GON4L: variants seen among roughly 807,000 people sequenced by gnomAD.
The protein encoded by GON4L is gon-4 like, also known as GON-4-like protein.
In GON4L, 87 loss-of-function variants were observed where a neutral mutation model predicts 211.8. The ratio of observed to expected loss-of-function variants is 0.41; its 90% CI spans 0.35 to 0.49. The LOEUF (loss-of-function observed/expected upper bound fraction) is 0.49. Ranked by LOEUF, GON4L falls within the 20% of genes least tolerant of loss-of-function variation. The pLI, the probability that GON4L is intolerant of heterozygous loss-of-function variation, is 0.15. For missense variants in GON4L, 2,155 were observed against 2,659.5 expected, an observed-to-expected ratio of 0.81 and a Z score of 4.17; for synonymous variants, 875 against 962.6, an observed-to-expected ratio of 0.91 and a Z score of 1.68.
intron 17 of GON4L, among the ~76,000 whole-genome samples, chr1:155,773,957 G>A (rs1663489903): frequency 6.6e-6 from 1 of 152,102 alleles, no homozygotes; most frequent in Non-Finnish European, 1.5e-5. Flanking sequence ...AGCAGTTTGG[G>A]ATCCGTGTCT....
rs918242129 is a variant in GON4L, at chr1:155,785,472, G to C, written c.1748-98C>G. ...ATGTATAATGTTTTCAACAAGGCAT[G>C]ACAAATTCTTCATATCTATCCTTCT... On this transcript the variant is annotated intron_variant, in intron 12 of 31. Coordinates refer to ENST00000368331, the MANE Select transcript of GON4L (RefSeq NM_001282860.2). 5.8e-6 allele frequency: 5 copies of C among 866,348 alleles called. No homozygotes were observed. The Admixed American group carries it at 8.5e-5, about 15-fold the overall frequency. 53.7% of individuals were successfully genotyped at this position (866,348 alleles called of 1,614,324 possible). A position where few individuals can be genotyped will look rare whatever the true frequency, so the allele number is the denominator to read the frequency against.
chr1:155,794,065 T>C (rs1178518692), intron 12 of GON4L, among the ~76,000 whole-genome samples: 3 of 152,132 alleles, frequency 2.0e-5, no homozygotes, highest in Non-Finnish European at 4.4e-5. Flanking sequence ...CCTACTGATT[T>C]ACTGCTTAAA....
chr1:155,756,904 G>T, intron 27 of GON4L, 54 bp downstream of exon 27: 2 of 1,375,670 alleles, frequency 1.5e-6, no homozygotes, highest in Non-Finnish European at 2.1e-6. Flanking sequence ...ACTCTAGTTT[G>T]GGTGACAGAG....
chr1:155,849,143 C>CA (rs764161223), intron 2 of GON4L, among the ~76,000 whole-genome samples: 2,147 of 119,784 alleles, frequency 0.018, 34 homozygotes, highest in Non-Finnish European at 0.023. Context: ...GACTCCATCT[C>CA]AAAAAAAAAA....
At position 155,776,386 on chromosome 1, in the gene GON4L, G is replaced by A. The variant is rs1557850519; in HGVS notation, c.2178+9C>T. On this transcript the variant is annotated intron_variant, in intron 16 of 31. Transcript: ENST00000368331. Reference sequence around the variant, plus strand: ...TAGTCTTTAGAGTTATGGATATTTGGAAACTTACAAGAAATATCCTGGTGG... The same window carrying A: ...TAGTCTTTAGAGTTATGGATATTTGAAAACTTACAAGAAATATCCTGGTGG... 16 of 1,567,876 alleles carry A rather than the reference G, an allele frequency of 1.0e-5. No individual in the cohort carries two copies. The highest frequency in any genetic ancestry group is 1.4e-5 in the Non-Finnish European group (16 of 1,137,936).
At chr1:155,794,384 T>G (rs1193004490) in intron 12 of GON4L, among the ~76,000 whole-genome samples, 1 of 152,218 alleles carries the variant, frequency 6.6e-6, no homozygotes, top group African/African-American at 2.4e-5. Context: ...AAACCTCATT[T>G]TGAGAGCTTA....
At chr1:155,749,256 A>G (rs1660377471), downstream of GON4L, 21 of 1,573,274 alleles carry the variant, frequency 1.3e-5, no homozygotes, top group South Asian at 1.6e-4. Flanking sequence ...CTGTCTCAAA[A>G]AGAAAAAGAA....
intron 19 of GON4L, among the ~76,000 whole-genome samples, chr1:155,769,349 T>C (rs1662922183): frequency 1.3e-5 from 2 of 151,798 alleles, no homozygotes; most frequent in Non-Finnish European, 2.9e-5. Context: ...AGGAAGGAAG[T>C]AAAACAAAAA....
intron 17 of GON4L, chr1:155,774,730 G>T: frequency 1.8e-6 from 1 of 541,438 alleles, no homozygotes; most frequent in South Asian, 2.0e-5. Flanking sequence ...TCATATTGCT[G>T]TAGTCCAATT....
rs1192854753 is a variant in GON4L at position 155,791,488 on chromosome 1, A to AG, written c.1747+3561dup. 1.4e-3 allele frequency among the ~76,000 whole-genome samples: 214 copies of AG among 150,926 alleles called. 1 individual carries two copies. Among genetic ancestry groups the AG allele is most frequent in the African/African-American group, 4.9e-3 (203 of 41,288 alleles). On this transcript the variant is annotated intron_variant, in intron 12 of 31. Coordinates refer to ENST00000368331, the MANE Select transcript of GON4L (RefSeq NM_001282860.2). Reference sequence around the variant, plus strand: ...CTTGAAACTTTCCTATGTTTTGCATAGGGAAAAAAAAAAAAAAACTTAAGA... The same window carrying AG: ...CTTGAAACTTTCCTATGTTTTGCATAGGGGAAAAAAAAAAAAAAACTTAAGA...
intron 11 of GON4L, among the ~76,000 whole-genome samples, chr1:155,801,351 T>A (rs2102046645): frequency 6.6e-6 from 1 of 152,076 alleles, no homozygotes; most frequent in East Asian, 1.9e-4. Context: ...TAGACTCCTA[T>A]CAGAATGACT....
In GON4L at chr1:155,840,928, G is replaced by A. The variant is rs532752915; in HGVS notation, c.505+12348C>T. 1.3e-3 allele frequency among the ~76,000 whole-genome samples: 192 copies of A among 152,162 alleles called. 1 individual carries two copies. The highest frequency in any genetic ancestry group is 4.4e-3 in the African/African-American group (182 of 41,498). ...TACATGCCTGTAATCCCAGCTACTC[G>A]GGAGGCTGAGGCAGGGGAATCGCTT... On this transcript the variant is annotated intron_variant, in intron 2 of 31. Coordinates refer to ENST00000368331, the MANE Select transcript of GON4L (RefSeq NM_001282860.2).
chr1:155,847,115 T>C (rs567959834), intron 2 of GON4L, among the ~76,000 whole-genome samples: 1 of 152,366 alleles, frequency 6.6e-6, no homozygotes, highest in South Asian at 2.1e-4. Flanking sequence ...AAATTCCGCA[T>C]GTTCTCTGAC....
intron 12 of GON4L, among the ~76,000 whole-genome samples, chr1:155,794,283 G>A (rs543832971): frequency 6.6e-6 from 1 of 152,146 alleles, no homozygotes; most frequent in African/African-American, 2.4e-5. Flanking sequence ...TGTTGGCCAG[G>A]CTGGTCTTGA....
At position 155,773,127 on chromosome 1, in the gene GON4L, C is replaced by T; in HGVS notation, c.2434G>A (p.Val812Met). ...GGATTCTTTGCCTTCAGGGAACACA[C>T]TGGAAGTAACTCTGGATACATGAAA... ...KVFMYPELLP[V>M]CSLKAKNPQD... The change falls in exon 18 of 32, where the codon GTG becomes ATG. Residue 812 changes from valine to methionine, a missense_variant. By Grantham distance (21) the Val-to-Met change is conservative. Coordinates refer to ENST00000368331, the MANE Select transcript of GON4L (RefSeq NM_001282860.2). The T allele has an allele frequency of 6.2e-7, 1 of 1,613,548 alleles. No homozygotes were observed. The highest frequency in any genetic ancestry group is 8.5e-7 in the Non-Finnish European group (1 of 1,179,960).
chr1:155,783,687 G>A (rs934378854), intron 14 of GON4L, among the ~76,000 whole-genome samples: 1 of 152,220 alleles, frequency 6.6e-6, no homozygotes, highest in East Asian at 1.9e-4. Context: ...GGGGTAGTTT[G>A]TGTGGCTGGC....
chr1:155,761,175 GT>G lies in GON4L; in HGVS notation c.4912-535del, dbSNP rs921323729. On this transcript the variant is annotated intron_variant, in intron 23 of 31. Coordinates refer to ENST00000368331, the MANE Select transcript of GON4L (RefSeq NM_001282860.2). The stretch of plus-strand genomic sequence containing the variant: ...CCAAGAAGTGGTTAGCTTATGTGTG[GT>G]TTTTTTTTTTTTTTTTTTTTTTGAG... Among the ~76,000 whole-genome samples, 652 of 109,556 alleles carry G rather than the reference GT, an allele frequency of 6.0e-3. 1 individual carries two copies. Among genetic ancestry groups the G allele is most frequent in the East Asian group, 0.014 (58 of 4,162 alleles). 71.9% of individuals were successfully genotyped at this position (109,556 alleles called of 152,430 possible). A position where few individuals can be genotyped will look rare whatever the true frequency, so the allele number is the denominator to read the frequency against.
chr1:155,795,220 A>C, intron 11 of GON4L, 69 bp from the exon 12 acceptor site: 1 of 906,906 alleles, frequency 1.1e-6, no homozygotes, highest in Non-Finnish European at 1.8e-6. Context: ...TGTTCCAATA[A>C]AGCACATTTA....
chr1:155,768,978 C>T (rs1037582173), intron 19 of GON4L, among the ~76,000 whole-genome samples: 2 of 152,114 alleles, frequency 1.3e-5, no homozygotes, highest in South Asian at 2.1e-4. Flanking sequence ...TTGTTTGTTT[C>T]TCTGCTTCTT....
Sources: gnomAD v4.1 joint callset for allele counts (sites outside exome capture counted in the v4.1 genomes callset) on GRCh38, gnomAD v4.1.1 for gene constraint, MANE v1.5 for transcripts, NCBI Gene and HGNC (gene_info 2026-07-23, HGNC 2026-07-21) for gene names.